Variants in ABCA10 observed in about 807,000 individuals in gnomAD.
ABCA10 encodes ATP-binding cassette sub-family A member 10.
A neutral mutation model predicts 187.5 loss-of-function variants in ABCA10; 169 were observed. The observed-to-expected ratio is 0.90, with a 90% CI of 0.80 to 1.02. The LOEUF is 1.02. Ranked by LOEUF, ABCA10 falls within the 50% of genes least tolerant of loss-of-function variation. The pLI, the probability that ABCA10 is intolerant of heterozygous loss-of-function variation, is 0.00. For missense variants in ABCA10, 1,727 were observed against 1,812.4 expected, an observed-to-expected ratio of 0.95 and a Z score of 0.86; for synonymous variants, 574 against 601.8, an observed-to-expected ratio of 0.95 and a Z score of 0.68.
At chr17:69,164,014 G>A in intron 27 of ABCA10, 60 bp downstream of exon 27, 2 of 1,342,454 alleles carry the variant, frequency 1.5e-6, no homozygotes, top group South Asian at 3.2e-5. Flanking sequence ...CCTTGAATAA[G>A]ATTTCACGGG....
intron 36 of ABCA10, among the ~76,000 whole-genome samples, chr17:69,151,663 T>TA (rs1425765975): frequency 6.6e-5 from 10 of 152,208 alleles, no homozygotes; most frequent in Non-Finnish European, 1.5e-4. Context: ...AAGTCTGTGT[T>TA]ACGGAGCTCT....
Position 69,213,970 on chromosome 17 carries a change from CCTT to C in ABCA10, c.1006+731_1006+733del, listed in dbSNP as rs369223654. Among the ~76,000 whole-genome samples the C allele has an allele frequency of 3.8e-3, 577 of 152,250 alleles. 3 individuals are homozygous for C. Among genetic ancestry groups the C allele is most frequent in the African/African-American group, 0.013 (540 of 41,538 alleles). On this transcript the variant is annotated intron_variant, in intron 9 of 38. Coordinates refer to ENST00000690296, the MANE Select transcript of ABCA10 (RefSeq NM_001377321.1). The stretch of plus-strand genomic sequence containing the variant: ...AATCCATTAACTTCATATTGTGTTT[CCTT>C]CTTCATATTTTTGAGATTCGGAAGA...
At position 69,154,245 on chromosome 17, in the gene ABCA10, G is replaced by A; in HGVS notation, c.3776C>T (p.Thr1259Ile). 6.2e-7 allele frequency: 1 copy of A among 1,610,272 alleles called. No individual in the cohort carries two copies. The highest frequency in any genetic ancestry group is 8.5e-7 in the Non-Finnish European group (1 of 1,178,330). The change falls in exon 31 of 39, where the codon ACT becomes ATT. Residue 1259 changes from threonine (T) to isoleucine (I), a missense_variant. Thr to Ile is a moderately conservative substitution (Grantham distance 89, BLOSUM62 -1). Coordinates refer to ENST00000690296, the MANE Select transcript of ABCA10 (RefSeq NM_001377321.1). ...TCACATGTCACATACCACTCCTGCA[G>A]TTGGCTTTGTGCACCCAGTTATCAT... The part of the protein sequence containing the change: ...IKMITGCTKP[T>I]AGVVVLQGSR...
At position 69,149,178 on chromosome 17, in the gene ABCA10, T is replaced by C. The variant is rs577730947; in HGVS notation, c.4478-90A>G. On this transcript the variant is annotated intron_variant, in intron 37 of 38. Coordinates refer to ENST00000690296, the MANE Select transcript of ABCA10 (RefSeq NM_001377321.1). ...CAATAGAGACAGTAGCTTCAAATTG[T>C]TTAGATACTGTAAGATATAGGCCAA... 124 of 1,417,244 alleles carry C rather than the reference T, an allele frequency of 8.7e-5. No homozygotes were observed. In the African/African-American group the frequency reaches 1.7e-3, roughly 19 times the overall value. 87.8% of individuals were successfully genotyped at this position (1,417,244 alleles called of 1,614,324 possible). A position where few individuals can be genotyped will look rare whatever the true frequency, so the allele number is the denominator to read the frequency against.
intron 20 of ABCA10, among the ~76,000 whole-genome samples, chr17:69,184,916 T>TACACAC (rs142309537): frequency 0.021 from 3,018 of 141,574 alleles, 28 homozygotes; most frequent in Middle Eastern, 0.05. Context: ...ACTTTTTAAA[T>TACACAC]ACACACACAC....
Position 69,153,467 on chromosome 17 carries a change from A to G in ABCA10, c.4041+4T>C. ...CACAGGGAAACCCCGAGCCTGGCCC[A>G]TACCTTTCTCTTTATTCCCTCTGAT... On this transcript the variant is annotated splice_donor_region_variant and intron_variant, in intron 33 of 38. Transcript: ENST00000690296. 6.2e-7 allele frequency: 1 copy of G among 1,614,136 alleles called. No individual in the cohort carries two copies.
At chr17:69,186,841 T>A (rs2074425520) in intron 19 of ABCA10, among the ~76,000 whole-genome samples, 1 of 152,178 alleles carries the variant, frequency 6.6e-6, no homozygotes, top group Non-Finnish European at 1.5e-5. Flanking sequence ...TCAGTATTTT[T>A]CATCTTTTCC....
chr17:69,152,138 A>G lies in ABCA10; in HGVS notation c.4302T>C (p.Asp1434=). The G allele has an allele frequency of 6.2e-7, 1 of 1,613,814 alleles. No homozygotes were observed. The part of the protein sequence containing the change: ...IQHLKNKFGR[D]YLLEIKMKEP... ...CTTTCATTTTTATTTCTAGTAAATA[A>G]TCTCTACCAAACTTGTTTTTCAGAT... is the stretch of plus-strand genomic sequence containing the variant. The change falls in exon 36 of 39, where the codon GAT becomes GAC. Residue 1434 remains aspartate (D), a synonymous_variant. Transcript: ENST00000690296.
intron 22 of ABCA10, among the ~76,000 whole-genome samples, chr17:69,181,863 T>C (rs2074382741): frequency 2.0e-5 from 3 of 151,656 alleles, no homozygotes; most frequent in South Asian, 4.2e-4. Context: ...GAAGTAGTTA[T>C]TGAATAAATT....
chr17:69,188,618 G>T (rs2074439016), intron 18 of ABCA10, among the ~76,000 whole-genome samples: 1 of 151,542 alleles, frequency 6.6e-6, no homozygotes, highest in Non-Finnish European at 1.5e-5. Context: ...GGATTTGGGG[G>T]TTTGGTGTAC....
chr17:69,210,166 A>ATT (rs1322948427), intron 9 of ABCA10, among the ~76,000 whole-genome samples: 5 of 56,226 alleles, frequency 8.9e-5, no homozygotes, highest in African/African-American at 1.4e-4. Flanking sequence ...TTTAGTGGTT[A>ATT]TTTCTTTTTT....
chr17:69,196,766 C>T (rs1568064872), intron 11 of ABCA10, among the ~76,000 whole-genome samples: 1 of 152,218 alleles, frequency 6.6e-6, no homozygotes, highest in Non-Finnish European at 1.5e-5. Context: ...ATCCCAGCAC[C>T]TCGCGAGGCT....
At chr17:69,167,119 G>T (rs1378727146) in intron 25 of ABCA10, among the ~76,000 whole-genome samples, 1 of 152,130 alleles carries the variant, frequency 6.6e-6, no homozygotes, top group Non-Finnish European at 1.5e-5. Context: ...CAAGTATCTT[G>T]CCAGTAAGGA....
chr17:69,195,554 C>CTTTTTTTTTTTTTTTT (rs59069489), intron 11 of ABCA10, among the ~76,000 whole-genome samples: 45 of 102,942 alleles, frequency 4.4e-4, no homozygotes, highest in South Asian at 1.0e-3. Flanking sequence ...TGAAGTTTTT[C>CTTTTTTTTTTTTTTTT]TTTTTTTTTT....
chr17:69,188,067 C>T (rs1191093340), intron 18 of ABCA10, among the ~76,000 whole-genome samples, 188 bp from the exon 19 acceptor site: 1 of 152,178 alleles, frequency 6.6e-6, no homozygotes, highest in East Asian at 1.9e-4. Context: ...TCCAATGAGA[C>T]AGTAAATTAA....
intron 1 of ABCA10, among the ~76,000 whole-genome samples, chr17:69,239,226 C>T (rs534689132): frequency 2.9e-4 from 44 of 152,096 alleles, no homozygotes; most frequent in Non-Finnish European, 5.4e-4. Context: ...ATTAGGTCAG[C>T]TGTGTTTCTT....
intron 9 of ABCA10, among the ~76,000 whole-genome samples, chr17:69,210,847 C>CATATATATATATATATATAT (rs57227408): frequency 0.022 from 830 of 37,574 alleles, 6 homozygotes; most frequent in Middle Eastern, 0.083. Flanking sequence ...ATTTATGCCA[C>CATATATATATATATATATAT]ATATATATAT....
intron 9 of ABCA10, among the ~76,000 whole-genome samples, chr17:69,211,740 A>G (rs985016783): frequency 6.6e-6 from 1 of 152,090 alleles, no homozygotes; most frequent in East Asian, 1.9e-4. Context: ...GAATTTATCC[A>G]TCTCCTCTAG....
chr17:69,236,285 G>A (rs1433157055), intron 1 of ABCA10, among the ~76,000 whole-genome samples: 1 of 152,138 alleles, frequency 6.6e-6, no homozygotes, highest in Non-Finnish European at 1.5e-5. Flanking sequence ...TGCCCAAAGT[G>A]AGTAGTCCCA....
Sources: allele counts gnomAD v4.1 joint callset (sites outside exome capture counted in the v4.1 genomes callset), GRCh38; gene constraint gnomAD v4.1.1; transcripts MANE v1.5; gene names NCBI Gene and HGNC (gene_info 2026-07-23, HGNC 2026-07-21).